SHISA9: variants seen among roughly 807,000 people sequenced by gnomAD.
The protein encoded by SHISA9 is shisa family member 9.
SHISA9 carries 13 observed loss-of-function variants against 38.0 expected under a neutral mutation model. That is an observed-to-expected ratio of 0.34 (90% CI 0.22 to 0.54). The LOEUF is 0.54. Ranked by LOEUF, SHISA9 falls within the 20% of genes least tolerant of loss-of-function variation. The probability of loss-of-function intolerance (pLI) is 0.91; values close to 1 mark genes in which losing one functional copy is unlikely to be tolerated. For missense variants in SHISA9, 538 were observed against 575.8 expected, an observed-to-expected ratio of 0.93 and a Z score of 0.67; for synonymous variants, 275 against 242.0, an observed-to-expected ratio of 1.14 and a Z score of -1.27.
the SHISA9 span, among the ~76,000 whole-genome samples, chr16:13,257,192 C>T: frequency 3.3e-5 from 5 of 152,266 alleles, no homozygotes; most frequent in Admixed American, 1.3e-4. Context: ...AGGAACCATC[C>T]CAGGACAAGC....
At chr16:13,176,831 C>T (rs2050735658) in intron 2 of SHISA9, among the ~76,000 whole-genome samples, 1 of 152,084 alleles carries the variant, frequency 6.6e-6, no homozygotes, top group Non-Finnish European at 1.5e-5. Flanking sequence ...CTGCAACCCT[C>T]AGATCACCCA....
intron 2 of SHISA9, among the ~76,000 whole-genome samples, chr16:13,034,348 C>T (rs1374854359): frequency 6.6e-6 from 1 of 152,160 alleles, no homozygotes; most frequent in Non-Finnish European, 1.5e-5. Context: ...TTCTGTTTCA[C>T]CTCCTGGCCC....
intron 2 of SHISA9, among the ~76,000 whole-genome samples, chr16:13,027,535 C>A (rs1164025522): frequency 1.3e-5 from 2 of 152,128 alleles, no homozygotes; most frequent in African/African-American, 4.8e-5. Flanking sequence ...AAGCTGGAAA[C>A]AACCCAATGT....
At chr16:12,916,654 T>C in intron 1 of SHISA9, 34 bp from the exon 2 acceptor site, 1 of 1,541,986 alleles carries the variant, frequency 6.5e-7, no homozygotes. Context: ...CATTGTGTTT[T>C]GAATGAACAG....
At position 13,238,063 on chromosome 16, in the gene SHISA9, C is replaced by T. The variant is rs1275775754; in HGVS notation, c.*2654C>T. ...GGAAACAAGCAGCGATGATTAAATT[C>T]CAGCTGGAGTCTGTTGTCTGTGAGT... On this transcript the variant is annotated 3_prime_UTR_variant, in exon 5 of 5. Transcript: ENST00000558583. 6.6e-6 allele frequency: 1 copy of T among 152,112 alleles called. No homozygotes were observed. The highest frequency in any genetic ancestry group is 1.5e-5 in the Non-Finnish European group (1 of 68,016). 9.4% of individuals were successfully genotyped at this position (152,112 alleles called of 1,614,324 possible).
At chr16:12,980,570 A>T (rs187504195) in intron 2 of SHISA9, among the ~76,000 whole-genome samples, 2 of 144,288 alleles carry the variant, frequency 1.4e-5, no homozygotes, top group East Asian at 2.1e-4. Flanking sequence ...GTGTCTAAAT[A>T]TGTTTTTTTT....
chr16:12,981,391 C>T (rs1596563190), intron 2 of SHISA9, among the ~76,000 whole-genome samples: 1 of 152,224 alleles, frequency 6.6e-6, no homozygotes, highest in Admixed American at 6.5e-5. Context: ...GAGCCATACT[C>T]CTTCAACCCT....
At chr16:13,548,584 G>A in the SHISA9 span, among the ~76,000 whole-genome samples, 1 of 152,110 alleles carries the variant, frequency 6.6e-6, no homozygotes, top group Non-Finnish European at 1.5e-5. Context: ...AGACAAACAA[G>A]TGGCTACAAA....
At chr16:13,159,882 T>C (rs939074864) in intron 2 of SHISA9, among the ~76,000 whole-genome samples, 5 of 152,176 alleles carry the variant, frequency 3.3e-5, no homozygotes, top group Admixed American at 3.3e-4. Flanking sequence ...TCCTGTTCTT[T>C]CTCCCACAAA....
At chr16:13,461,848 C>T in the SHISA9 span, among the ~76,000 whole-genome samples, 4 of 151,620 alleles carry the variant, frequency 2.6e-5, no homozygotes, top group Admixed American at 1.3e-4. Context: ...CTCCTGACCT[C>T]GTGATCCGCC....
chr16:13,100,106 G>C (rs553619159), intron 2 of SHISA9, among the ~76,000 whole-genome samples: 23 of 152,332 alleles, frequency 1.5e-4, no homozygotes, highest in Admixed American at 2.6e-4. Flanking sequence ...ATGTAGGAAT[G>C]TCAGCTCAGT....
chr16:13,473,712 T>G, the SHISA9 span, among the ~76,000 whole-genome samples: 1 of 152,162 alleles, frequency 6.6e-6, no homozygotes, highest in Admixed American at 6.5e-5. Flanking sequence ...AATAAAACTC[T>G]TATATTGTTC....
chr16:13,167,691 C>T (rs1198758987), intron 2 of SHISA9, among the ~76,000 whole-genome samples: 8 of 152,176 alleles, frequency 5.3e-5, no homozygotes, highest in Non-Finnish European at 8.8e-5. Flanking sequence ...CTCTCTTCCT[C>T]CTGCTCTGGC....
the SHISA9 span, among the ~76,000 whole-genome samples, chr16:13,400,582 C>A: frequency 3.3e-5 from 5 of 152,172 alleles, no homozygotes; most frequent in Admixed American, 3.3e-4. Context: ...GCCACAGCTC[C>A]CCTTACCTTC....
At chr16:13,086,829 A>T (rs1233776578) in intron 2 of SHISA9, among the ~76,000 whole-genome samples, 5 of 148,270 alleles carry the variant, frequency 3.4e-5, no homozygotes, top group South Asian at 2.1e-4. Context: ...TTATTTTTTT[A>T]AAATTTATTT....
chr16:12,947,531 T>C lies in SHISA9; in HGVS notation c.691+30716T>C, dbSNP rs553183905. Among the ~76,000 whole-genome samples, 31 of 152,310 alleles carry C rather than the reference T, an allele frequency of 2.0e-4. 1 individual carries two copies. Among genetic ancestry groups the C allele is most frequent in the African/African-American group, 7.2e-4 (30 of 41,560 alleles). Reference sequence around the variant, plus strand: ...AGAGCAGCAAAAGGAGAAAAGGATATCTCAGTCCTCGATGTTGGTGAATAG... The same window carrying C: ...AGAGCAGCAAAAGGAGAAAAGGATACCTCAGTCCTCGATGTTGGTGAATAG... On this transcript the variant is annotated intron_variant, in intron 2 of 4. Transcript: ENST00000558583.
At chr16:13,073,975 T>C (rs543634678) in intron 2 of SHISA9, among the ~76,000 whole-genome samples, 2 of 149,282 alleles carry the variant, frequency 1.3e-5, no homozygotes, top group African/African-American at 5.0e-5. Flanking sequence ...TTTTGTTTTT[T>C]TTTTTTGTGG....
chr16:13,060,789 C>T (rs1251700209), intron 2 of SHISA9, among the ~76,000 whole-genome samples: 1 of 152,190 alleles, frequency 6.6e-6, no homozygotes, highest in Non-Finnish European at 1.5e-5. Flanking sequence ...TTAAAATTAT[C>T]TCCTGGGTAG....
rs1017012074 is a variant in SHISA9 at position 13,031,342 on chromosome 16, T to C, written c.691+114527T>C. On this transcript the variant is annotated intron_variant, in intron 2 of 4. Coordinates refer to ENST00000558583, the MANE Select transcript of SHISA9 (RefSeq NM_001145204.3). ...TGAACGAGCTCTGTTGCCTTGACAATAGTGTATTCAGCCATTGCACCCTCT... is the reference window on the plus strand; with the variant it reads ...TGAACGAGCTCTGTTGCCTTGACAACAGTGTATTCAGCCATTGCACCCTCT... 3.3e-5 allele frequency among the ~76,000 whole-genome samples: 5 copies of C among 152,262 alleles called. No homozygotes were observed. The East Asian group carries it at 7.7e-4, about 24-fold the overall frequency.
Sources: gnomAD v4.1 joint callset for allele counts (sites outside exome capture counted in the v4.1 genomes callset) on GRCh38, gnomAD v4.1.1 for gene constraint, MANE v1.5 for transcripts, NCBI Gene and HGNC (gene_info 2026-07-23, HGNC 2026-07-21) for gene names.